CNTN5: variants seen among roughly 807,000 people sequenced by gnomAD.
The protein encoded by CNTN5 is contactin-5.
In CNTN5, 77 loss-of-function variants were observed where a neutral mutation model predicts 129.1. The observed-to-expected ratio is 0.60, with a 90% CI of 0.50 to 0.72. CNTN5 has a LOEUF of 0.72. CNTN5 is among the 30% of genes least tolerant of loss of function. The pLI is 0.00. For synonymous variants in CNTN5, 509 were observed against 465.6 expected (o/e 1.09, Z -1.20); for missense variants, 1,478 against 1,328.8 (o/e 1.11, Z -1.75).
chr11:99,025,942 T>C (rs1301048031), intron 1 of CNTN5, among the ~76,000 whole-genome samples: 1 of 151,666 alleles, frequency 6.6e-6, no homozygotes, highest in Non-Finnish European at 1.5e-5. Context: ...TTCACCTAGG[T>C]TCTCCCATTT....
chr11:99,719,095 G>C (rs1943081848), intron 3 of CNTN5, among the ~76,000 whole-genome samples: 3 of 152,042 alleles, frequency 2.0e-5, no homozygotes, highest in Admixed American at 2.0e-4. Context: ...GAAGCAGGTG[G>C]ATCACTTGAG....
intron 9 of CNTN5, among the ~76,000 whole-genome samples, chr11:100,027,125 C>T (rs1007644324): frequency 6.6e-6 from 1 of 152,218 alleles, no homozygotes. Flanking sequence ...TTCTTGTTTA[C>T]TAACTCCATC....
At chr11:99,095,792 TG>T (rs1430648554) in intron 1 of CNTN5, among the ~76,000 whole-genome samples, 1 of 151,870 alleles carries the variant, frequency 6.6e-6, no homozygotes, top group East Asian at 1.9e-4. Context: ...GACATTATTT[TG>T]TGAGCAGTCA....
chr11:99,624,419 A>G (rs547677514), intron 3 of CNTN5, among the ~76,000 whole-genome samples: 50 of 152,212 alleles, frequency 3.3e-4, no homozygotes, highest in African/African-American at 1.2e-3. Context: ...AGCTACTGAT[A>G]ATTTACAAGT....
chr11:99,227,560 A>T (rs1226780922), intron 1 of CNTN5, among the ~76,000 whole-genome samples: 1 of 152,120 alleles, frequency 6.6e-6, no homozygotes, highest in South Asian at 2.1e-4. Context: ...ATAAAGGAAA[A>T]CAAAACTATT....
chr11:99,575,185 G>T (rs1949304814), intron 3 of CNTN5, among the ~76,000 whole-genome samples: 1 of 152,136 alleles, frequency 6.6e-6, no homozygotes, highest in African/African-American at 2.4e-5. Context: ...AAGAAATGGT[G>T]TTAGACGTGT....
At chr11:100,256,486 A>G (rs1950072999) in intron 17 of CNTN5, among the ~76,000 whole-genome samples, 1 of 152,152 alleles carries the variant, frequency 6.6e-6, no homozygotes, top group South Asian at 2.1e-4. Context: ...TTTTATTTAT[A>G]AAAAGAAAAT....
At chr11:99,566,522 T>C (rs539384849) in intron 3 of CNTN5, among the ~76,000 whole-genome samples, 17 of 152,330 alleles carry the variant, frequency 1.1e-4, no homozygotes, top group Non-Finnish European at 2.1e-4. Context: ...TCACATTCTT[T>C]TTTACTACTG....
chr11:99,449,920 A>G (rs1007517141), intron 2 of CNTN5, among the ~76,000 whole-genome samples: 3 of 152,232 alleles, frequency 2.0e-5, no homozygotes, highest in Non-Finnish European at 4.4e-5. Flanking sequence ...TTTTTGCTCT[A>G]CATTATTCTA....
chr11:99,068,026 C>G (rs1453587652), intron 1 of CNTN5, among the ~76,000 whole-genome samples: 1 of 152,144 alleles, frequency 6.6e-6, no homozygotes, highest in Non-Finnish European at 1.5e-5. Context: ...TATTCTCCTT[C>G]TTGCCACCTT....
intron 9 of CNTN5, among the ~76,000 whole-genome samples, chr11:100,050,199 A>C (rs1942880314): frequency 6.6e-6 from 1 of 152,206 alleles, no homozygotes; most frequent in Non-Finnish European, 1.5e-5. Context: ...GGCACTATTC[A>C]CAATAGCAAA....
chr11:100,042,906 G>T (rs977346256), intron 9 of CNTN5, among the ~76,000 whole-genome samples: 1 of 152,170 alleles, frequency 6.6e-6, no homozygotes, highest in Non-Finnish European at 1.5e-5. Context: ...AAAATCAAAT[G>T]TGTAGTTGAA....
At chr11:99,073,118 A>G (rs1435180622) in intron 1 of CNTN5, among the ~76,000 whole-genome samples, 1 of 152,052 alleles carries the variant, frequency 6.6e-6, no homozygotes, top group Non-Finnish European at 1.5e-5. Context: ...ATTTAGTACA[A>G]TTTATTTATT....
intron 2 of CNTN5, among the ~76,000 whole-genome samples, chr11:99,410,179 C>T (rs1942327603): frequency 6.6e-6 from 1 of 152,236 alleles, no homozygotes; most frequent in South Asian, 2.1e-4. Flanking sequence ...AAAAGAAATA[C>T]ACTCCGTTTA....
At chr11:99,108,916 A>T (rs1857646448) in intron 1 of CNTN5, among the ~76,000 whole-genome samples, 1 of 152,050 alleles carries the variant, frequency 6.6e-6, no homozygotes. Context: ...CCCCAAGATT[A>T]TATCAACTAA....
rs751142767 is a variant in CNTN5 at position 100,074,275 on chromosome 11, GC to G, written c.1562del (p.Ala521GlufsTer8). 1.9e-6 allele frequency: 3 copies of G among 1,604,826 alleles called. No individual in the cohort carries two copies. The highest frequency in any genetic ancestry group is 2.2e-5 in the South Asian group (2 of 89,958). ...PTISWKKGDR[A>X]VRENKRIAIL... is the part of the protein sequence containing the mutation. ...CATCTCTTGGAAGAAAGGAGACAGA[GC>G]AGTTAGAGAAAACAAAAGGTTAGAA... On this transcript the variant is annotated frameshift_variant, in exon 13 of 25. Transcript: ENST00000524871. LOFTEE classifies it high-confidence loss of function.
intron 3 of CNTN5, among the ~76,000 whole-genome samples, chr11:99,738,822 T>A (rs1943797630): frequency 6.6e-6 from 1 of 152,164 alleles, no homozygotes; most frequent in Non-Finnish European, 1.5e-5. Flanking sequence ...AGAAGGAATG[T>A]AAATAATAAG....
At chr11:100,100,814 T>C (rs1413893323) in intron 13 of CNTN5, among the ~76,000 whole-genome samples, 2 of 152,088 alleles carry the variant, frequency 1.3e-5, no homozygotes, top group African/African-American at 4.8e-5. Context: ...GAAGAGGAAA[T>C]GCCCAGCAAT....
intron 1 of CNTN5, among the ~76,000 whole-genome samples, chr11:99,310,536 T>TA (rs1245237527): frequency 1.3e-5 from 2 of 152,172 alleles, no homozygotes; most frequent in East Asian, 3.9e-4. Flanking sequence ...TATTTGTTTT[T>TA]AGGCACATTA....
Sources: allele counts gnomAD v4.1 joint callset (sites outside exome capture counted in the v4.1 genomes callset), GRCh38; gene constraint gnomAD v4.1.1; transcripts MANE v1.5; gene names NCBI Gene and HGNC (gene_info 2026-07-23, HGNC 2026-07-21).